The following MAPK8 variants were observed in gnomAD, a reference collection of about 807,000 sequenced individuals.
MAPK8 encodes JUN N-terminal kinase.
Under a neutral mutation model 52.9 loss-of-function variants are expected in MAPK8, and 13 were observed. That is an observed-to-expected ratio of 0.25 (90% CI 0.16 to 0.39). The LOEUF is 0.39. MAPK8 is among the 10% of genes least tolerant of loss of function. The probability of loss-of-function intolerance (pLI) is 1.00; values close to 1 mark genes in which losing one functional copy is unlikely to be tolerated. For missense variants in MAPK8, 300 were observed against 519.2 expected (o/e 0.58, Z 4.10); for synonymous variants, 191 against 169.8 (o/e 1.12, Z -0.97).
intron 11 of MAPK8, 60 bp downstream of exon 11, chr10:48,431,330 G>C: frequency 8.8e-7 from 1 of 1,132,296 alleles, no homozygotes. Context: ...GTAATCTTCA[G>C]TGGCCTGAAA....
At chr10:48,390,674 C>T (rs2041574595) in intron 1 of MAPK8, among the ~76,000 whole-genome samples, 1 of 152,158 alleles carries the variant, frequency 6.6e-6, no homozygotes, top group African/African-American at 2.4e-5. Flanking sequence ...CGGGGGCGGT[C>T]AGCCTGATAT....
rs199509878 is a variant in MAPK8 at position 48,426,004 on chromosome 10, T to C, written c.805T>C (p.Tyr269His). 6.2e-7 allele frequency: 1 copy of C among 1,613,318 alleles called. No homozygotes were observed. The highest frequency in any genetic ancestry group is 2.2e-5 in the East Asian group (1 of 44,824). The part of the protein sequence containing the change: ...YVENRPKYAG[Y>H]SFEKLFPDVL... ...TGAAAACAGACCTAAATATGCTGGA[T>C]ATAGCTTTGAGAAACTCTTCCCTGA... Residue 269 changes from tyrosine to histidine, a missense_variant, in exon 8 of 12, where the codon TAT (tyrosine) becomes CAT (histidine). Physicochemically the swap from Tyr to His is moderately conservative, Grantham distance 83. Transcript: ENST00000374189.
chr10:48,324,148 A>G (rs901382856), intron 1 of MAPK8, among the ~76,000 whole-genome samples: 3 of 152,206 alleles, frequency 2.0e-5, no homozygotes, highest in Admixed American at 1.3e-4. Context: ...TCTCTCCTAA[A>G]AGTAAACACA....
At chr10:48,409,558 G>T (rs542132745) in intron 3 of MAPK8, among the ~76,000 whole-genome samples, 9 of 152,154 alleles carry the variant, frequency 5.9e-5, no homozygotes, top group Non-Finnish European at 1.2e-4. Context: ...AATTGGAAAA[G>T]AACTGGTAGA....
Position 48,436,690 on chromosome 10 carries a change from A to G in MAPK8, c.*1661A>G, listed in dbSNP as rs1444452341. 6.6e-6 allele frequency: 1 copy of G among 152,238 alleles called. No individual in the cohort carries two copies. The highest frequency in any genetic ancestry group is 1.5e-5 in the Non-Finnish European group (1 of 68,036). The allele number at this position is 152,238 out of a possible 1,614,324, so 9.4% of individuals were successfully genotyped here. On this transcript the variant is annotated 3_prime_UTR_variant, in exon 12 of 12. Transcript: ENST00000374189. ...GAGTGAGATATTTTACATCACTGTTAATGTGCAATATTTAAGATTAAAATA... is the reference window on the plus strand; with the variant it reads ...GAGTGAGATATTTTACATCACTGTTGATGTGCAATATTTAAGATTAAAATA...
chr10:48,377,565 A>G (rs1205657189), intron 1 of MAPK8, among the ~76,000 whole-genome samples: 7 of 152,142 alleles, frequency 4.6e-5, no homozygotes, highest in African/African-American at 1.4e-4. Context: ...TATCCTCAGA[A>G]GAGAAGATGC....
At chr10:48,385,991 T>TTGCTAGCAAGATAAACTAGCAATTACG (rs1482455850) in intron 1 of MAPK8, among the ~76,000 whole-genome samples, 6 of 152,174 alleles carry the variant, frequency 3.9e-5, no homozygotes, top group African/African-American at 1.4e-4. Flanking sequence ...CATAATTACG[T>TTGCTAGCAAGATAAACTAGCAATTACG]TGCTAGCAAG....
At chr10:48,332,906 A>G (rs1844292679) in intron 1 of MAPK8, among the ~76,000 whole-genome samples, 1 of 152,212 alleles carries the variant, frequency 6.6e-6, no homozygotes, top group Non-Finnish European at 1.5e-5. Flanking sequence ...AAGGAGCTTT[A>G]GGGCCTGGTT....
chr10:48,375,909 A>G (rs2040630509), intron 1 of MAPK8, among the ~76,000 whole-genome samples: 1 of 152,246 alleles, frequency 6.6e-6, no homozygotes, highest in Non-Finnish European at 1.5e-5. Flanking sequence ...ATATGGAACC[A>G]AAATAGAGCC....
At chr10:48,325,447 TCA>T (rs770664600) in intron 1 of MAPK8, among the ~76,000 whole-genome samples, 20 of 152,254 alleles carry the variant, frequency 1.3e-4, no homozygotes, top group Non-Finnish European at 2.8e-4. Flanking sequence ...CACATAACTT[TCA>T]GTCTCTCTGT....
chr10:48,371,099 A>G (rs1848492606), intron 1 of MAPK8, among the ~76,000 whole-genome samples: 1 of 152,128 alleles, frequency 6.6e-6, no homozygotes, highest in Admixed American at 6.6e-5. Context: ...AGGTTTGAAG[A>G]GTAACTGACT....
intron 10 of MAPK8, among the ~76,000 whole-genome samples, chr10:48,428,221 TG>T (rs1322203906): frequency 6.6e-6 from 1 of 152,224 alleles, no homozygotes; most frequent in East Asian, 1.9e-4. Context: ...TTGATAGTCA[TG>T]GAAGTTTTCA....
At chr10:48,413,974 T>G (rs1281777806) in intron 5 of MAPK8, among the ~76,000 whole-genome samples, 1 of 151,228 alleles carries the variant, frequency 6.6e-6, no homozygotes, top group Non-Finnish European at 1.5e-5. Flanking sequence ...TTTATTATAT[T>G]TGAAGATTGT....
chr10:48,378,821 A>G (rs1186804688), intron 1 of MAPK8, among the ~76,000 whole-genome samples: 1 of 152,076 alleles, frequency 6.6e-6, no homozygotes, highest in Admixed American at 6.6e-5. Flanking sequence ...GCTGTTGTGC[A>G]GTGGCATGAT....
intron 1 of MAPK8, among the ~76,000 whole-genome samples, chr10:48,340,254 G>C (rs538314038): frequency 6.6e-6 from 1 of 152,294 alleles, no homozygotes; most frequent in South Asian, 2.1e-4. Context: ...TTACAGCAAC[G>C]TGGATGCAGC....
chr10:48,326,782 C>T (rs1279299594), intron 1 of MAPK8, among the ~76,000 whole-genome samples: 7 of 152,162 alleles, frequency 4.6e-5, no homozygotes, highest in African/African-American at 7.2e-5. Flanking sequence ...CTGGTCCTCC[C>T]GTTACTGACC....
intron 10 of MAPK8, 67 bp downstream of exon 10, chr10:48,427,210 T>A: frequency 8.4e-7 from 1 of 1,186,330 alleles, no homozygotes; most frequent in South Asian, 1.3e-5. Flanking sequence ...GGTGATTTAT[T>A]ATCATGTTAG....
chr10:48,386,550 A>C (rs753225096), intron 1 of MAPK8, among the ~76,000 whole-genome samples: 4 of 152,206 alleles, frequency 2.6e-5, no homozygotes, highest in Non-Finnish European at 4.4e-5. Flanking sequence ...GAATATTTTG[A>C]AATGTTTACC....
At chr10:48,330,883 T>C (rs554698713) in intron 1 of MAPK8, among the ~76,000 whole-genome samples, 72 of 152,316 alleles carry the variant, frequency 4.7e-4, no homozygotes, top group African/African-American at 1.6e-3. Context: ...TGATCACTTA[T>C]CATGACTTTA....
Sources: gnomAD v4.1 joint callset for allele counts (sites outside exome capture counted in the v4.1 genomes callset) on GRCh38, gnomAD v4.1.1 for gene constraint, MANE v1.5 for transcripts, NCBI Gene and HGNC (gene_info 2026-07-23, HGNC 2026-07-21) for gene names.